TEX9: variants seen among roughly 807,000 people sequenced by gnomAD.
TEX9 encodes testis expressed 9, also known as testis-expressed protein 9.
TEX9 carries 74 observed loss-of-function variants against 59.6 expected under a neutral mutation model. That is an observed-to-expected ratio of 1.24 (90% CI 1.03 to 1.51). TEX9 has a LOEUF of 1.51. TEX9 is among the 40% of genes most tolerant of loss of function. The pLI is 0.00. For missense variants in TEX9, 522 were observed against 447.8 expected (o/e 1.17, Z -1.49); for synonymous variants, 186 against 152.2 (o/e 1.22, Z -1.64).
At chr15:56,355,107 A>G (rs1272651265) in intron 1 of TEX9, among the ~76,000 whole-genome samples, 5 of 152,210 alleles carry the variant, frequency 3.3e-5, no homozygotes, top group African/African-American at 1.2e-4. Flanking sequence ...CCTTGCAGTC[A>G]GCGCCTTCCT....
chr15:56,460,009 A>AAAAAAAAAAAAT, the TEX9 span, among the ~76,000 whole-genome samples: 245 of 26,370 alleles, frequency 9.3e-3, 58 homozygotes, highest in African/African-American at 0.026. Flanking sequence ...AAAAAAAAAA[A>AAAAAAAAAAAAT]ATACATATAT....
At chr15:56,257,737 G>A (rs573718908) in intron 1 of TEX9, among the ~76,000 whole-genome samples, 1 of 152,154 alleles carries the variant, frequency 6.6e-6, no homozygotes, top group South Asian at 2.1e-4. Context: ...CATTCTGCCG[G>A]TTTTCTGTTT....
chr15:56,430,993 C>A (rs1420590200), intron 12 of TEX9, among the ~76,000 whole-genome samples: 1 of 152,070 alleles, frequency 6.6e-6, no homozygotes. Flanking sequence ...AAATCCTGTC[C>A]TTACCAAAAA....
At chr15:56,382,327 C>G (rs1397272693) in intron 3 of TEX9, among the ~76,000 whole-genome samples, 1 of 152,190 alleles carries the variant, frequency 6.6e-6, no homozygotes, top group Non-Finnish European at 1.5e-5. Context: ...ATCAGGCACC[C>G]CAAGAGTCCA....
chr15:56,336,431 T>C (rs943843224), intron 1 of TEX9, among the ~76,000 whole-genome samples: 1 of 152,140 alleles, frequency 6.6e-6, no homozygotes. Flanking sequence ...AATATTTCTC[T>C]GGTAATATCT....
At chr15:56,366,849 C>T (rs1406490837) in intron 2 of TEX9, among the ~76,000 whole-genome samples, 4 of 152,076 alleles carry the variant, frequency 2.6e-5, no homozygotes, top group African/African-American at 9.7e-5. Flanking sequence ...ATACACAGAC[C>T]AATTTACCAC....
At chr15:56,255,303 C>A (rs546427043) in intron 1 of TEX9, among the ~76,000 whole-genome samples, 23 of 152,004 alleles carry the variant, frequency 1.5e-4, no homozygotes, top group African/African-American at 5.5e-4. Context: ...ATGGCAGGGA[C>A]AAAGCATGAT....
At chr15:56,301,436 A>G (rs1197708254) in intron 1 of TEX9, among the ~76,000 whole-genome samples, 5 of 152,188 alleles carry the variant, frequency 3.3e-5, no homozygotes, top group Admixed American at 3.3e-4. Context: ...CAAGTATAAG[A>G]AGGTTATACA....
intron 1 of TEX9, among the ~76,000 whole-genome samples, chr15:56,257,147 C>T (rs2044162315): frequency 6.6e-6 from 1 of 152,150 alleles, no homozygotes; most frequent in Admixed American, 6.6e-5. Flanking sequence ...CACAGTATTC[C>T]ATGGTGTATA....
intron 9 of TEX9, among the ~76,000 whole-genome samples, chr15:56,402,556 G>T (rs546241439): frequency 2.0e-5 from 3 of 152,184 alleles, no homozygotes; most frequent in African/African-American, 7.2e-5. Context: ...TCTACCAGAG[G>T]TATAAGGAGG....
At chr15:56,256,496 G>GA (rs1251770341) in intron 1 of TEX9, among the ~76,000 whole-genome samples, 1 of 151,694 alleles carries the variant, frequency 6.6e-6, no homozygotes, top group Non-Finnish European at 1.5e-5. Context: ...AAAAGCTAGT[G>GA]AAAAAAATAC....
intron 1 of TEX9, among the ~76,000 whole-genome samples, chr15:56,277,216 G>A (rs2044692048): frequency 6.6e-6 from 1 of 152,116 alleles, no homozygotes; most frequent in Non-Finnish European, 1.5e-5. Context: ...TGTTGCAATT[G>A]CTTTTGGTAT....
At chr15:56,402,494 A>C (rs1209606419) in intron 9 of TEX9, among the ~76,000 whole-genome samples, 1 of 152,142 alleles carries the variant, frequency 6.6e-6, no homozygotes. Flanking sequence ...GGCAATAATT[A>C]ATAGCCTACC....
intron 1 of TEX9, among the ~76,000 whole-genome samples, chr15:56,262,131 A>T (rs1284304616): frequency 6.6e-6 from 1 of 152,190 alleles, no homozygotes; most frequent in Non-Finnish European, 1.5e-5. Flanking sequence ...GCACACGAGA[A>T]CCAGGAAGCA....
chr15:56,303,373 T>C (rs371003400), intron 1 of TEX9, among the ~76,000 whole-genome samples: 4 of 151,962 alleles, frequency 2.6e-5, no homozygotes, highest in South Asian at 4.2e-4. Context: ...CACAATAGAA[T>C]AGAACTGGAA....
At chr15:56,363,505 C>G (rs2046829727), upstream of TEX9, among the ~76,000 whole-genome samples, 2 of 152,020 alleles carry the variant, frequency 1.3e-5, no homozygotes, top group Admixed American at 6.5e-5. Context: ...TAGTGGGTGT[C>G]AAGTGGCATT....
At chr15:56,308,270 TG>T (rs1294646484) in intron 1 of TEX9, among the ~76,000 whole-genome samples, 1 of 152,208 alleles carries the variant, frequency 6.6e-6, no homozygotes, top group East Asian at 1.9e-4. Flanking sequence ...CCAATCCTAC[TG>T]GGTGTGAAAT....
intron 1 of TEX9, among the ~76,000 whole-genome samples, chr15:56,341,165 A>T (rs780253245): frequency 6.6e-6 from 1 of 152,186 alleles, no homozygotes; most frequent in African/African-American, 2.4e-5. Context: ...TTTAGTTTTT[A>T]TACCTGGCTT....
At chr15:56,337,779 C>G (rs150367793) in intron 1 of TEX9, among the ~76,000 whole-genome samples, 1 of 152,268 alleles carries the variant, frequency 6.6e-6, no homozygotes, top group East Asian at 1.9e-4. Context: ...TGTTGTAATC[C>G]TGTTAAATTT....
Sources: allele counts gnomAD v4.1 joint callset (sites outside exome capture counted in the v4.1 genomes callset), GRCh38; gene constraint gnomAD v4.1.1; transcripts MANE v1.5; gene names NCBI Gene and HGNC (gene_info 2026-07-23, HGNC 2026-07-21).